Variants in NME7 observed in about 807,000 individuals in gnomAD.
NME7 encodes the protein nucleoside diphosphate kinase 7.
NME7 carries 41 observed loss-of-function variants against 49.1 expected under a neutral mutation model. The observed-to-expected ratio is 0.83, with a 90% confidence interval of 0.65 to 1.08. NME7 has a LOEUF of 1.08. Ranked by LOEUF, NME7 falls within the 50% of genes least tolerant of loss-of-function variation. The pLI is 0.00. For missense variants in NME7, 423 were observed against 463.4 expected, an observed-to-expected ratio of 0.91 and a Z score of 0.80; for synonymous variants, 139 against 150.6, an observed-to-expected ratio of 0.92 and a Z score of 0.56.
chr1:169,313,954 G>A (rs12129567), intron 3 of NME7, among the ~76,000 whole-genome samples: 36,668 of 151,794 alleles, frequency 0.24, 5,461 homozygotes, highest in Non-Finnish European at 0.34. Context: ...CTAGATAAAG[G>A]GTTTGACAGA....
At chr1:169,178,343 C>T (rs1335579154) in intron 10 of NME7, among the ~76,000 whole-genome samples, 2 of 152,144 alleles carry the variant, frequency 1.3e-5, no homozygotes, top group African/African-American at 4.8e-5. Context: ...ATTTGGAAGA[C>T]AGGACAAAGC....
chr1:169,236,592 A>G (rs1647866363), intron 8 of NME7, among the ~76,000 whole-genome samples: 1 of 152,268 alleles, frequency 6.6e-6, no homozygotes, highest in East Asian at 1.9e-4. Flanking sequence ...TCTTGTTAAT[A>G]TATCACCAAG....
intron 7 of NME7, among the ~76,000 whole-genome samples, chr1:169,246,320 A>ATTT (rs1648310592): frequency 6.6e-6 from 1 of 152,196 alleles, no homozygotes; most frequent in Non-Finnish European, 1.5e-5. Context: ...AAGTAAAAAC[A>ATTT]AATCAAAATA....
chr1:169,257,482 T>C lies in NME7; in HGVS notation c.755-19795A>G, dbSNP rs1041258657. 6.1e-5 allele frequency among the ~76,000 whole-genome samples: 8 copies of C among 131,488 alleles called. 2 individuals carry two copies. Among genetic ancestry groups the C allele is most frequent in the African/African-American group, 1.0e-4 (4 of 38,984 alleles). 86.3% of individuals were successfully genotyped at this position (131,488 alleles called of 152,430 possible). A position where few individuals can be genotyped will look rare whatever the true frequency, so the allele number is the denominator to read the frequency against. ...CACTGTCTGGCACTCCCTAGTGAGA[T>C]GAACCCAGTACCTCAGATGTAAATG... On this transcript the variant is annotated intron_variant, in intron 7 of 11. Coordinates refer to ENST00000367811, the MANE Select transcript of NME7 (RefSeq NM_013330.5).
intron 1 of NME7, among the ~76,000 whole-genome samples, chr1:169,359,215 C>A (rs1653569144): frequency 6.6e-6 from 1 of 152,038 alleles, no homozygotes; most frequent in Non-Finnish European, 1.5e-5. Context: ...TAATACAATG[C>A]AAATGCTATG....
rs186634782 is a variant in NME7 at position 169,257,400 on chromosome 1, G to T, written c.755-19713C>A. Among the ~76,000 whole-genome samples the T allele has an allele frequency of 8.6e-3, 1,160 of 134,564 alleles. 156 individuals carry two copies. The highest frequency in any genetic ancestry group is 0.027 in the African/African-American group (1,085 of 39,768). 88.3% of individuals were successfully genotyped at this position (134,564 alleles called of 152,430 possible). On this transcript the variant is annotated intron_variant, in intron 7 of 11. Transcript: ENST00000367811. ...TGACCCCTTGCGCTTCCCAAGTGAG[G>T]CAATGCCTCGCCCTGCTTCGGCTTG...
intron 10 of NME7, among the ~76,000 whole-genome samples, chr1:169,202,171 C>G (rs1379727951): frequency 2.6e-5 from 4 of 152,088 alleles, no homozygotes; most frequent in African/African-American, 9.7e-5. Context: ...TTGTCCCTGC[C>G]CAAATCTCAT....
chr1:169,347,631 T>A (rs1477833079), intron 1 of NME7, among the ~76,000 whole-genome samples: 1 of 152,192 alleles, frequency 6.6e-6, no homozygotes, highest in Non-Finnish European at 1.5e-5. Flanking sequence ...TATTCTTTTT[T>A]CTTTCAAGAA....
At position 169,367,773 on chromosome 1, in the gene NME7, A is replaced by G. The variant is rs1340352471; in HGVS notation, c.-63T>C. The G allele has an allele frequency of 1.4e-5, 23 of 1,605,076 alleles. No individual in the cohort carries two copies. The highest frequency in any genetic ancestry group is 2.0e-5 in the Non-Finnish European group (23 of 1,172,284). ...GAGACAGGAAGACACCACCACCACC[A>G]CCATCATACGGTTACTCAGGCAACA... On this transcript the variant is annotated 5_prime_UTR_variant, in exon 1 of 12. Transcript: ENST00000367811.
intron 9 of NME7, among the ~76,000 whole-genome samples, chr1:169,233,031 G>T (rs763011553): frequency 6.8e-6 from 1 of 146,400 alleles, no homozygotes; most frequent in African/African-American, 2.5e-5. Flanking sequence ...CTATTCTCAC[G>T]CCTCAGCCTC....
intron 10 of NME7, among the ~76,000 whole-genome samples, chr1:169,186,633 G>T (rs1660074768): frequency 6.6e-6 from 1 of 151,998 alleles, no homozygotes. Flanking sequence ...ATTTTTTATT[G>T]TGTCTATTTG....
intron 5 of NME7, among the ~76,000 whole-genome samples, chr1:169,299,869 T>A (rs749992812): frequency 1.3e-5 from 2 of 151,924 alleles, no homozygotes; most frequent in Non-Finnish European, 2.9e-5. Context: ...CCACTAGATT[T>A]AAAAAAACCC....
chr1:169,285,108 C>G (rs538436290), intron 7 of NME7: 19 of 152,050 alleles, frequency 1.2e-4, no homozygotes, highest in African/African-American at 3.9e-4. Flanking sequence ...ATATTCCTTA[C>G]AGAAATGCTT....
intron 5 of NME7, 113 bp downstream of exon 5, chr1:169,303,032 G>A (rs1040446285): frequency 3.2e-6 from 2 of 631,300 alleles, no homozygotes; most frequent in Admixed American, 2.7e-5. Flanking sequence ...GCAAGATGTT[G>A]CTATGGCCCT....
chr1:169,225,949 A>G (rs1490197464), intron 10 of NME7, among the ~76,000 whole-genome samples: 1 of 152,242 alleles, frequency 6.6e-6, no homozygotes, highest in African/African-American at 2.4e-5. Context: ...ATCTTAGAAA[A>G]TAATTTGTAA....
chr1:169,136,918 T>G (rs771748456), intron 11 of NME7, among the ~76,000 whole-genome samples: 1 of 152,228 alleles, frequency 6.6e-6, no homozygotes, highest in Non-Finnish European at 1.5e-5. Flanking sequence ...TGATTGAGTA[T>G]CAGAAATGCC....
chr1:169,209,672 A>C (rs1396717954), intron 10 of NME7, among the ~76,000 whole-genome samples: 1 of 152,094 alleles, frequency 6.6e-6, no homozygotes, highest in East Asian at 1.9e-4. Context: ...TTAATTCTTT[A>C]TTTAAATTTT....
chr1:169,344,506 A>G (rs1652889090), intron 1 of NME7, among the ~76,000 whole-genome samples: 1 of 152,200 alleles, frequency 6.6e-6, no homozygotes, highest in Non-Finnish European at 1.5e-5. Flanking sequence ...ATATGTTGCT[A>G]GCTGCAGCTT....
At chr1:169,146,941 T>C (rs1297142544) in intron 11 of NME7, among the ~76,000 whole-genome samples, 2 of 152,196 alleles carry the variant, frequency 1.3e-5, no homozygotes, top group Non-Finnish European at 2.9e-5. Flanking sequence ...GAATGGGAGA[T>C]GAGAATTATG....
Sources: gnomAD v4.1 joint callset for allele counts (sites outside exome capture counted in the v4.1 genomes callset) on GRCh38, gnomAD v4.1.1 for gene constraint, MANE v1.5 for transcripts, NCBI Gene and HGNC (gene_info 2026-07-23, HGNC 2026-07-21) for gene names.